The following CUL1 variants were observed in gnomAD, a reference collection of about 807,000 sequenced individuals.
CUL1 encodes cullin-1.
In CUL1, 24 loss-of-function variants were observed where a neutral mutation model predicts 118.0. The observed-to-expected ratio is 0.20, with a 90% CI of 0.15 to 0.29. The LOEUF is 0.29. CUL1 is among the 10% of genes least tolerant of loss of function. The probability of loss-of-function intolerance (pLI) is 1.00; values close to 1 mark genes in which losing one functional copy is unlikely to be tolerated. For synonymous variants in CUL1, 332 were observed against 340.4 expected (o/e 0.98, Z 0.27); for missense variants, 361 against 933.8 (o/e 0.39, Z 7.99).
chr7:148,757,524 C>G (rs1056095187), intron 4 of CUL1, among the ~76,000 whole-genome samples: 7 of 152,166 alleles, frequency 4.6e-5, no homozygotes, highest in African/African-American at 1.7e-4. Flanking sequence ...AGGATTAGCC[C>G]TCCCATGCTT....
chr7:148,773,455 A>G (rs1800287446), intron 9 of CUL1, among the ~76,000 whole-genome samples: 1 of 152,106 alleles, frequency 6.6e-6, no homozygotes, highest in African/African-American at 2.4e-5. Context: ...ACAAGTGTAC[A>G]TGTGGTTATA....
At chr7:148,700,463 A>G (rs1307701562) in intron 1 of CUL1, among the ~76,000 whole-genome samples, 1 of 152,254 alleles carries the variant, frequency 6.6e-6, no homozygotes, top group Non-Finnish European at 1.5e-5. Flanking sequence ...AATGATGTTT[A>G]AAATGTAAAA....
chr7:148,761,569 G>C (rs1799831971), intron 7 of CUL1, among the ~76,000 whole-genome samples: 1 of 152,176 alleles, frequency 6.6e-6, no homozygotes, highest in Non-Finnish European at 1.5e-5. Context: ...GAATGACCTA[G>C]GTCTGGAGTC....
rs966958988 is a variant in CUL1 at position 148,760,629 on chromosome 7, G to T, written c.789+133G>T. 1.1e-4 allele frequency: 68 copies of T among 612,844 alleles called. 2 individuals carry two copies. In the South Asian group the frequency reaches 1.8e-3, roughly 16 times the overall value. The allele number at this position is 612,844 out of a possible 1,614,324, so 38.0% of individuals were successfully genotyped here. ...TGTTTTTCTAGAGTGTTTTTATCAG[G>T]TGCAAGTGCTTCTCCTAATTCTCCA... is the stretch of plus-strand genomic sequence containing the variant. On this transcript the variant is annotated intron_variant, in intron 7 of 21. Coordinates refer to ENST00000325222, the MANE Select transcript of CUL1 (RefSeq NM_003592.3).
intron 7 of CUL1, among the ~76,000 whole-genome samples, chr7:148,762,505 G>C (rs1799864013): frequency 6.6e-6 from 1 of 152,178 alleles, no homozygotes; most frequent in African/African-American, 2.4e-5. Flanking sequence ...AGCTCACCCA[G>C]AGTTTCAAAC....
At chr7:148,722,585 CTG>C (rs1242822945) in intron 1 of CUL1, among the ~76,000 whole-genome samples, 1 of 152,242 alleles carries the variant, frequency 6.6e-6, no homozygotes, top group East Asian at 1.9e-4. Flanking sequence ...GAGAAAGACT[CTG>C]GAGTTCCTCT....
At chr7:148,783,696 T>G in intron 9 of CUL1, 87 bp from the exon 10 acceptor site, 1 of 1,580,724 alleles carries the variant, frequency 6.3e-7, no homozygotes, top group Non-Finnish European at 8.7e-7. Context: ...TAGAATATTT[T>G]GTATGCTAGT....
intron 1 of CUL1, among the ~76,000 whole-genome samples, chr7:148,725,053 A>G (rs1164309894): frequency 6.6e-6 from 1 of 152,164 alleles, no homozygotes; most frequent in Non-Finnish European, 1.5e-5. Flanking sequence ...AGTAAAATTC[A>G]ACATTAACAG....
At chr7:148,746,745 A>G (rs1224770746) in intron 2 of CUL1, among the ~76,000 whole-genome samples, 1 of 152,250 alleles carries the variant, frequency 6.6e-6, no homozygotes, top group East Asian at 1.9e-4. Context: ...AGTAAGTAAA[A>G]GTAAAAATTC....
chr7:148,799,647 C>A (rs1166666920), intron 21 of CUL1, among the ~76,000 whole-genome samples: 3 of 152,258 alleles, frequency 2.0e-5, no homozygotes, highest in African/African-American at 7.2e-5. Context: ...GAAACATGCC[C>A]GGCATCCCGG....
chr7:148,737,602 ATTTATTT>A (rs1798999774), intron 2 of CUL1, among the ~76,000 whole-genome samples: 1 of 148,450 alleles, frequency 6.7e-6, no homozygotes, highest in East Asian at 2.0e-4. Context: ...TTATTTATTT[ATTTATTT>A]ATTTATTTTC....
At chr7:148,752,457 T>C (rs1421005927) in intron 2 of CUL1, among the ~76,000 whole-genome samples, 1 of 152,174 alleles carries the variant, frequency 6.6e-6, no homozygotes, top group Non-Finnish European at 1.5e-5. Context: ...TAAAGTATAG[T>C]TCTTTGATTA....
At chr7:148,762,453 G>T (rs187616466) in intron 7 of CUL1, among the ~76,000 whole-genome samples, 1 of 152,172 alleles carries the variant, frequency 6.6e-6, no homozygotes, top group African/African-American at 2.4e-5. Flanking sequence ...GTGTATAATG[G>T]TGGGCTAAAT....
At chr7:148,782,967 G>A (rs986536813) in intron 9 of CUL1, among the ~76,000 whole-genome samples, 1 of 152,070 alleles carries the variant, frequency 6.6e-6, no homozygotes, top group African/African-American at 2.4e-5. Flanking sequence ...CTGGCAGTGT[G>A]CTTAGCTGTG....
rs201234221 is a variant in CUL1, at chr7:148,766,751, G to C, written c.952+28G>C. The C allele has an allele frequency of 1.9e-6, 3 of 1,582,368 alleles. No individual in the cohort carries two copies. The East Asian group carries it at 6.8e-5, about 36-fold the overall frequency. The stretch of plus-strand genomic sequence containing the variant: ...GAGCCACAAGACTCATAAAATGTAG[G>C]TATTTATAATTATCTGTAGTTTTGA... On this transcript the variant is annotated intron_variant, in intron 8 of 21. Coordinates refer to ENST00000325222, the MANE Select transcript of CUL1 (RefSeq NM_003592.3).
intron 19 of CUL1, 98 bp downstream of exon 19, chr7:148,798,117 G>A (rs1034821831): frequency 7.3e-6 from 5 of 687,578 alleles, no homozygotes; most frequent in Non-Finnish European, 9.7e-6. Flanking sequence ...AAGGGAGACC[G>A]GGGACTCAGT....
intron 9 of CUL1, among the ~76,000 whole-genome samples, chr7:148,769,039 C>T (rs749095158): frequency 2.6e-5 from 4 of 152,078 alleles, no homozygotes; most frequent in Admixed American, 6.6e-5. Context: ...TCCTCAGTGT[C>T]GGCACATACA....
chr7:148,700,111 G>A (rs1797673414), intron 1 of CUL1, among the ~76,000 whole-genome samples: 2 of 152,340 alleles, frequency 1.3e-5, no homozygotes, highest in South Asian at 2.1e-4. Flanking sequence ...GTTGCTTCTG[G>A]TTCGTAGTAG....
chr7:148,782,916 C>T (rs556332211), intron 9 of CUL1, among the ~76,000 whole-genome samples: 16 of 151,264 alleles, frequency 1.1e-4, no homozygotes, highest in Non-Finnish European at 2.2e-4. Context: ...CAGCCGGGCT[C>T]CCTCGCAGCC....
Sources: allele counts gnomAD v4.1 joint callset (sites outside exome capture counted in the v4.1 genomes callset), GRCh38; gene constraint gnomAD v4.1.1; transcripts MANE v1.5; gene names NCBI Gene and HGNC (gene_info 2026-07-23, HGNC 2026-07-21).